Variants in SFMBT2 observed in about 807,000 individuals in gnomAD.
SFMBT2 encodes the protein scm-like with four MBT domains protein 2.
In SFMBT2, 38 loss-of-function variants were observed where a neutral mutation model predicts 110.1. The observed-to-expected ratio is 0.35, with a 90% CI of 0.27 to 0.45. SFMBT2 has a LOEUF of 0.45. Among genes scored for constraint, SFMBT2 ranks in the 20% least tolerant of loss-of-function variants. The probability of loss-of-function intolerance (pLI) is 1.00; values close to 1 mark genes in which losing one functional copy is unlikely to be tolerated. For synonymous variants in SFMBT2, 425 were observed against 425.4 expected, an observed-to-expected ratio of 1.00 and a Z score of 0.01; for missense variants, 1,011 against 1,094.9, an observed-to-expected ratio of 0.92 and a Z score of 1.08.
At chr10:7,226,762 G>A (rs1839908579) in intron 10 of SFMBT2, among the ~76,000 whole-genome samples, 1 of 152,168 alleles carries the variant, frequency 6.6e-6, no homozygotes, top group African/African-American at 2.4e-5. Context: ...AGTCAATGAT[G>A]AAATGCGTAT....
At chr10:7,212,221 G>C (rs1218274019) in intron 11 of SFMBT2, among the ~76,000 whole-genome samples, 1 of 152,318 alleles carries the variant, frequency 6.6e-6, no homozygotes, top group East Asian at 1.9e-4. Context: ...AGGAGTTTCT[G>C]AATTTTAGCT....
chr10:7,330,084 C>CG (rs1263948727), intron 4 of SFMBT2, among the ~76,000 whole-genome samples: 1 of 152,168 alleles, frequency 6.6e-6, no homozygotes, highest in Non-Finnish European at 1.5e-5. Context: ...GAACCCTTCT[C>CG]GGCTGCTAAA....
chr10:7,226,921 T>C (rs1176541134), intron 10 of SFMBT2, among the ~76,000 whole-genome samples: 1 of 152,186 alleles, frequency 6.6e-6, no homozygotes, highest in African/African-American at 2.4e-5. Context: ...AGGTACGCTC[T>C]ATGACATTCA....
intron 4 of SFMBT2, among the ~76,000 whole-genome samples, chr10:7,335,508 C>A (rs1305810848): frequency 6.6e-6 from 1 of 151,738 alleles, no homozygotes; most frequent in East Asian, 1.9e-4. Flanking sequence ...CAGACCACCA[C>A]AATTAAAACG....
At chr10:7,296,616 C>T (rs549040772) in intron 4 of SFMBT2, among the ~76,000 whole-genome samples, 1 of 152,340 alleles carries the variant, frequency 6.6e-6, no homozygotes, top group African/African-American at 2.4e-5. Context: ...AGGTATCTGA[C>T]AAAATGAGTT....
Position 7,172,148 on chromosome 10 carries a change from T to C in SFMBT2, c.2162A>G (p.Glu721Gly). The change falls in exon 19 of 21, where the codon GAG becomes GGG. Residue 721 changes from glutamate to glycine, a missense_variant. By Grantham distance (98) the Glu-to-Gly change is moderately conservative (BLOSUM62 -2). Around this residue, in one of 2 missense-constraint regions of SFMBT2, gnomAD observed 979 missense variants for 1,016.1 expected, o/e 0.96. Coordinates refer to ENST00000397167, the MANE Select transcript of SFMBT2 (RefSeq NM_001387889.1). This position sits in a 1 kb window ranked among gnomAD's most constrained non-coding sequence, Gnocchi z 4.6. ...ATCGTCCATGGCGTCAGCGTCCTCC[T>C]CTTCACTTTCCTGGGAAGGAGGAAA... The part of the protein sequence containing the change: ...FTAGSGEESE[E>G]EDADAMDDDT... 2 of 1,551,702 alleles carry C rather than the reference T, an allele frequency of 1.3e-6. No individual in the cohort carries two copies. Among genetic ancestry groups the C allele is most frequent in the Non-Finnish European group, 1.7e-6 (2 of 1,148,366 alleles).
chr10:7,338,498 G>A (rs1045278541), intron 4 of SFMBT2, among the ~76,000 whole-genome samples: 1 of 152,152 alleles, frequency 6.6e-6, no homozygotes, highest in Non-Finnish European at 1.5e-5. Context: ...CTAGAGAAAA[G>A]AAAATGCTAT....
intron 15 of SFMBT2, among the ~76,000 whole-genome samples, chr10:7,196,372 A>G (rs1382330647): frequency 6.6e-6 from 1 of 152,214 alleles, no homozygotes; most frequent in African/African-American, 2.4e-5. Context: ...TTTCTGAAAC[A>G]CACCTTGAAT....
At chr10:7,189,231 C>T (rs536661600) in intron 15 of SFMBT2, 1 of 954,912 alleles carries the variant, frequency 1.0e-6, no homozygotes, top group Non-Finnish European at 1.2e-6. Flanking sequence ...CTCTTGCAGG[C>T]TCAATTCATG....
intron 7 of SFMBT2, among the ~76,000 whole-genome samples, chr10:7,267,308 G>C (rs1016162683): frequency 2.0e-5 from 3 of 152,190 alleles, no homozygotes; most frequent in Non-Finnish European, 4.4e-5. Flanking sequence ...ATAACCATGA[G>C]TGTAATGACT....
chr10:7,169,665 A>C (rs1429336651), intron 20 of SFMBT2, among the ~76,000 whole-genome samples: 1 of 152,210 alleles, frequency 6.6e-6, no homozygotes, highest in Non-Finnish European at 1.5e-5. Flanking sequence ...AGAAACTTCA[A>C]CAAATTAAGC....
chr10:7,388,501 G>GCA (rs1845679643), intron 1 of SFMBT2, among the ~76,000 whole-genome samples: 1 of 150,350 alleles, frequency 6.7e-6, no homozygotes. Flanking sequence ...GGGATTACAG[G>GCA]TGCACCTGAC....
intron 7 of SFMBT2, 64 bp downstream of exon 7, chr10:7,276,828 A>G: frequency 1.2e-6 from 1 of 815,148 alleles, no homozygotes; most frequent in Non-Finnish European, 2.2e-6. Flanking sequence ...GCCCGGCCGG[A>G]AAACTTTGTA....
At chr10:7,233,378 G>A (rs1588367516) in intron 9 of SFMBT2, among the ~76,000 whole-genome samples, 1 of 152,194 alleles carries the variant, frequency 6.6e-6, no homozygotes, top group African/African-American at 2.4e-5. Context: ...AGCAAGGATG[G>A]AGGGACACTC....
intron 1 of SFMBT2, among the ~76,000 whole-genome samples, chr10:7,388,566 G>A (rs935885360): frequency 7.1e-6 from 1 of 141,358 alleles, no homozygotes; most frequent in South Asian, 2.2e-4. Context: ...AGTAGAGACG[G>A]AATTTCACCA....
In SFMBT2 at chr10:7,170,484, T is replaced by C. The variant is rs1416802275; in HGVS notation, c.2544+444A>G. ...ACTTCCGGCCTGGCCAGGTGGCAAC[T>C]GGGCACCCCATCCCACCACTGACCT... On this transcript the variant is annotated intron_variant, in intron 20 of 20. Transcript: ENST00000397167. This position sits in a 1 kb window ranked among gnomAD's most constrained non-coding sequence, Gnocchi z 4.6. Among the ~76,000 whole-genome samples the C allele has an allele frequency of 6.6e-6, 1 of 152,036 alleles. No homozygotes were observed. The highest frequency in any genetic ancestry group is 1.5e-5 in the Non-Finnish European group (1 of 67,982).
chr10:7,248,123 T>C (rs557674046), intron 8 of SFMBT2, among the ~76,000 whole-genome samples: 6 of 151,996 alleles, frequency 3.9e-5, no homozygotes, highest in Admixed American at 6.6e-5. Flanking sequence ...TTTTCTTTAG[T>C]CAACAAGGGC....
chr10:7,234,585 T>C (rs1315709731), intron 9 of SFMBT2, among the ~76,000 whole-genome samples: 1 of 152,192 alleles, frequency 6.6e-6, no homozygotes, highest in African/African-American at 2.4e-5. Flanking sequence ...CTAGAGAGTT[T>C]TACTATACCA....
At chr10:7,228,119 G>A (rs1431030573) in intron 9 of SFMBT2, among the ~76,000 whole-genome samples, 182 bp from the exon 10 acceptor site, 1 of 152,186 alleles carries the variant, frequency 6.6e-6, no homozygotes, top group African/African-American at 2.4e-5. Context: ...CTAAACACAG[G>A]TAAACCATCG....
Sources: gnomAD v4.1 joint callset for allele counts (sites outside exome capture counted in the v4.1 genomes callset) on GRCh38, gnomAD v4.1.1 for gene constraint, gnomAD v4.1.1 regional missense constraint, Gnocchi (gnomAD v3.1) non-coding constraint, MANE v1.5 for transcripts, NCBI Gene and HGNC (gene_info 2026-07-23, HGNC 2026-07-21) for gene names.